Variants in DDX46 observed in about 807,000 individuals in gnomAD.
DDX46 encodes the protein DEAD-box helicase 46, also known as probable ATP-dependent RNA helicase DDX46.
In DDX46, 30 loss-of-function variants were observed where a neutral mutation model predicts 134.9. The observed-to-expected ratio is 0.22, with a 90% CI of 0.17 to 0.30. DDX46 has a LOEUF of 0.30. DDX46 is among the 10% of genes least tolerant of loss of function. The pLI, the probability that DDX46 is intolerant of heterozygous loss-of-function variation, is 1.00. For missense variants in DDX46, 622 were observed against 1,248.7 expected (o/e 0.50, Z 7.56); for synonymous variants, 415 against 404.1 (o/e 1.03, Z -0.32).
At chr5:134,775,887 T>C (rs1216048139) in intron 5 of DDX46, among the ~76,000 whole-genome samples, 1 of 152,046 alleles carries the variant, frequency 6.6e-6, no homozygotes, top group Non-Finnish European at 1.5e-5. Context: ...GAAAGAAAAA[T>C]ACAGTTGACC....
At chr5:134,768,454 T>C (rs1240450725) in intron 3 of DDX46, among the ~76,000 whole-genome samples, 2 of 151,200 alleles carry the variant, frequency 1.3e-5, no homozygotes, top group African/African-American at 4.9e-5. Context: ...TATCCTTTTA[T>C]GAAATAAGAC....
At chr5:134,783,848 C>CT (rs60870042) in intron 9 of DDX46, among the ~76,000 whole-genome samples, 2,981 of 131,294 alleles carry the variant, frequency 0.023, 60 homozygotes, top group African/African-American at 0.053. Flanking sequence ...CAAGGCCGGC[C>CT]TTTTTTTTTT....
At chr5:134,768,089 T>C (rs774150831) in intron 3 of DDX46, among the ~76,000 whole-genome samples, 5 of 150,768 alleles carry the variant, frequency 3.3e-5, no homozygotes, top group Non-Finnish European at 5.9e-5. Context: ...ATGACAGAGG[T>C]GATGATGTAA....
At chr5:134,789,393 GGTTTC>G (rs1237976927) in intron 12 of DDX46, 1 of 152,134 alleles carries the variant, frequency 6.6e-6, no homozygotes, top group Non-Finnish European at 1.5e-5. Flanking sequence ...TGCTCTCAGA[GGTTTC>G]CATTGCAATA....
intron 16 of DDX46, 117 bp downstream of exon 16, chr5:134,808,058 A>G (rs578151426): frequency 3.5e-5 from 34 of 959,896 alleles, no homozygotes; most frequent in East Asian, 8.0e-5. Flanking sequence ...TTTAATCCAC[A>G]TAATGTGAAG....
At position 134,767,378 on chromosome 5, in the gene DDX46, G is replaced by T. The variant is rs558947331; in HGVS notation, c.350+318G>T. On this transcript the variant is annotated intron_variant, in intron 3 of 22. Coordinates refer to ENST00000452510, the MANE Select transcript of DDX46 (RefSeq NM_001300860.2). ...TTTTCAGGCAGGGTCTCACTCTGTTGCCCAGGCTGGAGTGAAGTGGCAAGA... is the reference window on the plus strand; with the variant it reads ...TTTTCAGGCAGGGTCTCACTCTGTTTCCCAGGCTGGAGTGAAGTGGCAAGA... Among the ~76,000 whole-genome samples, 90 of 152,172 alleles carry T rather than the reference G, an allele frequency of 5.9e-4. No individual in the cohort carries two copies. The Middle Eastern group carries it at 0.017, about 29-fold the overall frequency.
At chr5:134,811,179 C>T in intron 16 of DDX46, 42 bp from the exon 17 acceptor site, 1 of 1,585,040 alleles carries the variant, frequency 6.3e-7, no homozygotes, top group Non-Finnish European at 8.6e-7. Flanking sequence ...TAGGATCCAT[C>T]TTGTTAGTGT....
intron 18 of DDX46, among the ~76,000 whole-genome samples, chr5:134,815,780 C>A (rs931764631): frequency 3.4e-5 from 5 of 148,608 alleles, no homozygotes; most frequent in African/African-American, 1.3e-4. Context: ...CAAAGCAAAG[C>A]ATTCATCATT....
chr5:134,818,415 C>G (rs571981310), intron 20 of DDX46, among the ~76,000 whole-genome samples: 1 of 150,862 alleles, frequency 6.6e-6, no homozygotes, highest in African/African-American at 2.4e-5. Context: ...CAATATTGAC[C>G]ATAGGGCCCG....
At chr5:134,767,122 CTTTT>C in intron 3 of DDX46, 62 bp downstream of exon 3, 4 of 1,209,756 alleles carry the variant, frequency 3.3e-6, no homozygotes, top group East Asian at 2.8e-5. Context: ...TTCTCTGCGC[CTTTT>C]TTTTTTTTCC....
At chr5:134,761,020 CACCCGGCCTGTTT>C (rs1753365736) in intron 1 of DDX46, among the ~76,000 whole-genome samples, 1 of 151,766 alleles carries the variant, frequency 6.6e-6, no homozygotes, top group Admixed American at 6.6e-5. Context: ...TGAGCCACCG[CACCCGGCCTGTTT>C]TTTTGTTTTT....
Position 134,781,188 on chromosome 5 carries a change from T to C in DDX46, c.821T>C (p.Val274Ala). 5.6e-6 allele frequency: 9 copies of C among 1,603,058 alleles called. No homozygotes were observed. Among genetic ancestry groups the C allele is most frequent in the Non-Finnish European group, 7.6e-6 (9 of 1,177,578 alleles). Residue 274 changes from valine to alanine, a missense_variant, in exon 7 of 23, where the codon GTT (valine) becomes GCT (alanine). Transcript: ENST00000452510. ...ACTGTTGTGACAACCAAAAAAGCAG[T>C]TGTGGATTCTGATAAGAAGAAAGGT... The part of the protein sequence containing the change: ...VVTVVTTKKA[V>A]VDSDKKKGEL...
intron 15 of DDX46, among the ~76,000 whole-genome samples, chr5:134,803,159 A>G (rs1218221686): frequency 1.3e-5 from 2 of 151,832 alleles, no homozygotes; most frequent in Non-Finnish European, 2.9e-5. Context: ...ACGCCCAGCT[A>G]ATTTTTGTGT....
intron 5 of DDX46, among the ~76,000 whole-genome samples, chr5:134,776,708 A>G (rs915943625): frequency 1.3e-5 from 2 of 151,964 alleles, no homozygotes; most frequent in African/African-American, 4.8e-5. Context: ...CAAGGTCAGG[A>G]GTTCGAGACC....
intron 15 of DDX46, among the ~76,000 whole-genome samples, chr5:134,803,942 T>TG (rs1490632783): frequency 1.4e-5 from 2 of 146,742 alleles, no homozygotes; most frequent in Non-Finnish European, 3.0e-5. Context: ...TTTTTTTTTT[T>TG]GAGACAATTT....
intron 1 of DDX46, among the ~76,000 whole-genome samples, chr5:134,759,349 C>T (rs983590261): frequency 3.9e-5 from 6 of 152,182 alleles, no homozygotes; most frequent in African/African-American, 1.2e-4. Flanking sequence ...TCTTTGTGCG[C>T]GTATGATCTT....
At chr5:134,762,691 C>T (rs1753428302) in intron 1 of DDX46, among the ~76,000 whole-genome samples, 1 of 151,848 alleles carries the variant, frequency 6.6e-6, no homozygotes, top group Non-Finnish European at 1.5e-5. Flanking sequence ...TGAGATGGTG[C>T]TATTGCATTC....
In DDX46 at chr5:134,807,776, C is replaced by T. The variant is rs886477998; in HGVS notation, c.1983C>T (p.Ile661=). 1.9e-6 allele frequency: 3 copies of T among 1,614,068 alleles called. No individual in the cohort carries two copies. Among genetic ancestry groups the T allele is most frequent in the South Asian group, 1.1e-5 (1 of 91,072 alleles). The change falls in exon 16 of 23, where the codon ATC becomes ATT. Residue 661 remains isoleucine (I), a synonymous_variant. Transcript: ENST00000452510. ...GGIDQYDRDS[I]INDFKNGTCK... is the part of the protein sequence containing the mutation. ...TTGATCAATATGACAGAGATAGCAT[C>T]ATAAATGACTTTAAGAATGGGACCT...
At chr5:134,776,447 G>T (rs542276662) in intron 5 of DDX46, among the ~76,000 whole-genome samples, 21 of 152,052 alleles carry the variant, frequency 1.4e-4, no homozygotes, top group African/African-American at 4.6e-4. Flanking sequence ...CCATTAAGTT[G>T]AAGTAGATCA....
Sources: allele counts gnomAD v4.1 joint callset (sites outside exome capture counted in the v4.1 genomes callset), GRCh38; gene constraint gnomAD v4.1.1; transcripts MANE v1.5; gene names NCBI Gene and HGNC (gene_info 2026-07-23, HGNC 2026-07-21).